The following TMEM232 variants were observed in gnomAD, a reference collection of about 807,000 sequenced individuals.
The protein encoded by TMEM232 is transmembrane protein 232.
In TMEM232, 80 loss-of-function variants were observed where a neutral mutation model predicts 78.8. The observed-to-expected ratio is 1.01, with a 90% confidence interval of 0.85 to 1.22. The LOEUF (loss-of-function observed/expected upper bound fraction) is 1.22, where lower values mean the gene tolerates loss of function less well. Ranked by LOEUF, TMEM232 falls within the 50% of genes most tolerant of loss-of-function variation. TMEM232 has a pLI of 0.00. For missense variants in TMEM232, 881 were observed against 742.2 expected, an observed-to-expected ratio of 1.19 and a Z score of -2.17; for synonymous variants, 297 against 254.3, an observed-to-expected ratio of 1.17 and a Z score of -1.60.
chr5:110,522,890 G>A (rs369551904), intron 12 of TMEM232, among the ~76,000 whole-genome samples: 3 of 152,150 alleles, frequency 2.0e-5, no homozygotes, highest in African/African-American at 7.2e-5. Flanking sequence ...TGGTGTCTTT[G>A]TCTGGCTTTG....
chr5:110,711,872 C>T (rs1464992307), intron 1 of TMEM232, among the ~76,000 whole-genome samples: 2 of 151,802 alleles, frequency 1.3e-5, no homozygotes, highest in Non-Finnish European at 2.9e-5. Context: ...TTTGGGAGGC[C>T]GAGGTGGGCA....
chr5:110,617,674 G>C (rs1268242490), intron 8 of TMEM232, among the ~76,000 whole-genome samples: 1 of 151,956 alleles, frequency 6.6e-6, no homozygotes, highest in Non-Finnish European at 1.5e-5. Flanking sequence ...ATTTATTTTT[G>C]GCTGGGAGCA....
intron 12 of TMEM232, among the ~76,000 whole-genome samples, chr5:110,475,445 A>ATT (rs61667699): frequency 0.11 from 12,029 of 110,050 alleles, 864 homozygotes; most frequent in African/African-American, 0.19. Flanking sequence ...TTATACTTTG[A>ATT]TTTTTTTTTT....
At chr5:110,472,729 T>C (rs185776846) in intron 12 of TMEM232, among the ~76,000 whole-genome samples, 20 of 152,044 alleles carry the variant, frequency 1.3e-4, no homozygotes, top group African/African-American at 4.6e-4. Flanking sequence ...AATGAATACA[T>C]AGACCAATGG....
At position 110,625,343 on chromosome 5, in the gene TMEM232, T is replaced by G. The variant is rs1784286683; in HGVS notation, c.692A>C (p.Lys231Thr). ...AATGGATTCAGAACGGAGTTCTCTT[T>G]TACCTATAATTTCCGAGGCTTTCAG... ...FILKASEIIG[K>T]RELRSESIFR... Residue 231 changes from lysine (K) to threonine (T), a missense_variant, in exon 7 of 14, where the codon AAA (lysine) becomes ACA (threonine). Coordinates refer to ENST00000455884, the MANE Select transcript of TMEM232 (RefSeq NM_001039763.4). 6.5e-7 allele frequency: 1 copy of G among 1,548,220 alleles called. No homozygotes were observed. Among genetic ancestry groups the G allele is most frequent in the Admixed American group, 2.0e-5 (1 of 50,798 alleles).
chr5:110,420,556 G>T lies in TMEM232; in HGVS notation c.*24C>A, dbSNP rs1756524594. The T allele has an allele frequency of 1.4e-6, 2 of 1,396,098 alleles. No individual in the cohort carries two copies. Among genetic ancestry groups the T allele is most frequent in the Non-Finnish European group, 1.9e-6 (2 of 1,074,044 alleles). The allele number at this position is 1,396,098 out of a possible 1,614,324, so 86.5% of individuals were successfully genotyped here. A position where few individuals can be genotyped will look rare whatever the true frequency, so the allele number is the denominator to read the frequency against. Reference sequence around the variant, plus strand: ...TTTCTGCCATGTAGTCCTCAATTTTGGGAGGTGACATTTTCTTTTCTAATT... The same window carrying T: ...TTTCTGCCATGTAGTCCTCAATTTTTGGAGGTGACATTTTCTTTTCTAATT... On this transcript the variant is annotated 3_prime_UTR_variant, in exon 14 of 14. Transcript: ENST00000455884.
chr5:110,512,163 T>A (rs1169651118), intron 12 of TMEM232, among the ~76,000 whole-genome samples: 1 of 152,192 alleles, frequency 6.6e-6, no homozygotes, highest in Non-Finnish European at 1.5e-5. Flanking sequence ...TTAACATCTA[T>A]CTCCAATATT....
intron 12 of TMEM232, among the ~76,000 whole-genome samples, chr5:110,481,988 C>A: frequency 6.6e-6 from 1 of 152,112 alleles, no homozygotes; most frequent in African/African-American, 2.4e-5. Flanking sequence ...AGATTTATTA[C>A]AGAAACTAAA....
upstream of TMEM232, chr5:110,738,361 A>T (rs1344854119): frequency 2.8e-6 from 2 of 706,426 alleles, no homozygotes; most frequent in Non-Finnish European, 3.7e-6. Context: ...TCAGAAAAAA[A>T]TACGACAGAA....
chr5:110,508,126 G>C (rs1389241619), intron 12 of TMEM232, among the ~76,000 whole-genome samples: 1 of 151,964 alleles, frequency 6.6e-6, no homozygotes, highest in African/African-American at 2.4e-5. Flanking sequence ...AAACCCCAAG[G>C]GGATCACTTG....
At chr5:110,660,353 T>C (rs562872505) in intron 2 of TMEM232, among the ~76,000 whole-genome samples, 2 of 152,234 alleles carry the variant, frequency 1.3e-5, no homozygotes, top group South Asian at 2.1e-4. Context: ...AACATTTTTC[T>C]AGAATAAGAA....
chr5:110,462,359 C>T (rs1580779974), intron 12 of TMEM232, among the ~76,000 whole-genome samples: 2 of 152,054 alleles, frequency 1.3e-5, no homozygotes, highest in African/African-American at 4.8e-5. Context: ...AAGGTGCTGC[C>T]AATGGAGATT....
At chr5:110,596,560 A>G (rs1220023273) in intron 10 of TMEM232, among the ~76,000 whole-genome samples, 2 of 152,168 alleles carry the variant, frequency 1.3e-5, no homozygotes, top group African/African-American at 4.8e-5. Flanking sequence ...AGACACCACA[A>G]ATAAAGAGAA....
chr5:110,698,114 A>G (rs934378292), intron 1 of TMEM232, among the ~76,000 whole-genome samples: 2 of 152,238 alleles, frequency 1.3e-5, no homozygotes, highest in African/African-American at 2.4e-5. Context: ...GCCATAAAAA[A>G]GGATGAGTTC....
chr5:110,678,837 T>C (rs1405584408), intron 1 of TMEM232, among the ~76,000 whole-genome samples: 1 of 152,212 alleles, frequency 6.6e-6, no homozygotes, highest in Non-Finnish European at 1.5e-5. Context: ...GGTTCCTCCA[T>C]GTCTTTTTAT....
intron 1 of TMEM232, among the ~76,000 whole-genome samples, chr5:110,713,484 C>A (rs1298821501): frequency 6.6e-6 from 1 of 151,794 alleles, no homozygotes; most frequent in Admixed American, 6.6e-5. Flanking sequence ...TTATGCATTG[C>A]AAGCCTGTAT....
At chr5:110,394,368 G>A (rs570706659) in intron 3 of TMEM232, among the ~76,000 whole-genome samples, 1 of 152,158 alleles carries the variant, frequency 6.6e-6, no homozygotes, top group Non-Finnish European at 1.5e-5. Context: ...GACCACTTAG[G>A]TTTCCTCCAA....
At chr5:110,507,185 A>G (rs562432223) in intron 12 of TMEM232, among the ~76,000 whole-genome samples, 24 of 152,324 alleles carry the variant, frequency 1.6e-4, no homozygotes, top group African/African-American at 5.5e-4. Flanking sequence ...ACTGAACAAT[A>G]TAGGGGAAGG....
intron 12 of TMEM232, among the ~76,000 whole-genome samples, chr5:110,507,191 G>A (rs1423894937): frequency 1.3e-5 from 2 of 152,182 alleles, no homozygotes; most frequent in African/African-American, 4.8e-5. Context: ...CAATATAGGG[G>A]AAGGGGAAAG....
Sources: allele counts gnomAD v4.1 joint callset (sites outside exome capture counted in the v4.1 genomes callset), GRCh38; gene constraint gnomAD v4.1.1; transcripts MANE v1.5; gene names NCBI Gene and HGNC (gene_info 2026-07-23, HGNC 2026-07-21).